UNC13C: variants seen among roughly 807,000 people sequenced by gnomAD.
UNC13C encodes unc-13 homolog C.
A neutral mutation model predicts 245.4 loss-of-function variants in UNC13C; 174 were observed. That is an observed-to-expected ratio of 0.71 (90% CI 0.63 to 0.80). The LOEUF is 0.80. Ranked by LOEUF, UNC13C falls within the 30% of genes least tolerant of loss-of-function variation. The probability of loss-of-function intolerance (pLI) is 0.00; values close to 1 mark genes in which losing one functional copy is unlikely to be tolerated. For missense variants in UNC13C, 2,829 were observed against 2,602.9 expected, an observed-to-expected ratio of 1.09 and a Z score of -1.89; for synonymous variants, 992 against 895.1, an observed-to-expected ratio of 1.11 and a Z score of -1.93.
At chr15:54,322,182 A>G (rs1226172260) in intron 14 of UNC13C, 87 bp downstream of exon 14, 1 of 1,301,946 alleles carries the variant, frequency 7.7e-7, no homozygotes, top group African/African-American at 1.5e-5. Flanking sequence ...TATTCCTGGA[A>G]TCTTATTGCA....
chr15:54,341,730 T>G (rs140311384), intron 17 of UNC13C, among the ~76,000 whole-genome samples: 2 of 152,164 alleles, frequency 1.3e-5, no homozygotes, highest in East Asian at 1.9e-4. Flanking sequence ...AATAGTATTT[T>G]GCTTGGGAGG....
the UNC13C span, among the ~76,000 whole-genome samples, chr15:53,896,555 G>T: frequency 6.6e-6 from 1 of 151,986 alleles, no homozygotes; most frequent in Non-Finnish European, 1.5e-5. Context: ...ATGGTGAAGT[G>T]GATATATGTT....
chr15:54,576,165 C>T (rs1213990621), intron 30 of UNC13C, among the ~76,000 whole-genome samples: 1 of 152,202 alleles, frequency 6.6e-6, no homozygotes, highest in Non-Finnish European at 1.5e-5. Flanking sequence ...CCACACTTCT[C>T]ACATTAAGAC....
chr15:53,839,355 A>G, the UNC13C span, among the ~76,000 whole-genome samples: 2 of 152,090 alleles, frequency 1.3e-5, no homozygotes, highest in Non-Finnish European at 2.9e-5. Flanking sequence ...TAAGATTCCA[A>G]TTCCTTCAAC....
chr15:54,099,936 TATATA>T (rs1900075446), intron 2 of UNC13C, among the ~76,000 whole-genome samples: 1 of 151,628 alleles, frequency 6.6e-6, no homozygotes, highest in Admixed American at 6.6e-5. Flanking sequence ...CTCCACTAAA[TATATA>T]ATACAAAAAT....
At chr15:54,040,370 C>T (rs1896760496) in intron 2 of UNC13C, among the ~76,000 whole-genome samples, 1 of 152,116 alleles carries the variant, frequency 6.6e-6, no homozygotes, top group African/African-American at 2.4e-5. Flanking sequence ...AAGGTGTGGT[C>T]TGTGAACCAG....
intron 2 of UNC13C, among the ~76,000 whole-genome samples, chr15:54,017,216 G>T (rs1895699415): frequency 6.6e-6 from 1 of 151,808 alleles, no homozygotes; most frequent in African/African-American, 2.4e-5. Context: ...AACATTTTGT[G>T]TTTTTGTTTT....
chr15:54,569,015 A>T (rs148143945), intron 30 of UNC13C, among the ~76,000 whole-genome samples: 2 of 152,188 alleles, frequency 1.3e-5, no homozygotes, highest in Non-Finnish European at 2.9e-5. Context: ...GATTGTCAAG[A>T]GATGCAGAAA....
In UNC13C at chr15:54,311,907, C is replaced by T. The variant is rs182732189; in HGVS notation, c.4269-10032C>T. Reference sequence around the variant, plus strand: ...GGAAAATATGTACAAATAATTTAGTCAAACAAGAATAAAAAACATGTTAAA... The same window carrying T: ...GGAAAATATGTACAAATAATTTAGTTAAACAAGAATAAAAAACATGTTAAA... On this transcript the variant is annotated intron_variant, in intron 13 of 32. Coordinates refer to ENST00000260323, the MANE Select transcript of UNC13C (RefSeq NM_001080534.3). Among the ~76,000 whole-genome samples the T allele has an allele frequency of 3.1e-4, 47 of 151,706 alleles. 1 individual carries two copies. Among genetic ancestry groups the T allele is most frequent in the African/African-American group, 1.1e-3 (46 of 41,438 alleles).
the UNC13C span, among the ~76,000 whole-genome samples, chr15:53,927,737 A>T: frequency 1.3e-5 from 2 of 152,100 alleles, no homozygotes; most frequent in African/African-American, 4.8e-5. Flanking sequence ...TTGCCCAGGG[A>T]AGTTTTAGAA....
intron 30 of UNC13C, among the ~76,000 whole-genome samples, chr15:54,595,998 GAA>G (rs915175338): frequency 6.7e-6 from 1 of 148,868 alleles, no homozygotes. Flanking sequence ...AGAATTTGAA[GAA>G]AAAAAAAAGT....
intron 19 of UNC13C, among the ~76,000 whole-genome samples, chr15:54,454,421 A>G (rs1272288048): frequency 5.3e-5 from 8 of 152,054 alleles, no homozygotes; most frequent in Non-Finnish European, 1.0e-4. Flanking sequence ...TACTAAAAAT[A>G]CAAAAAGTTA....
At chr15:54,434,658 C>G (rs1220292034) in intron 19 of UNC13C, among the ~76,000 whole-genome samples, 2 of 152,078 alleles carry the variant, frequency 1.3e-5, no homozygotes, top group Non-Finnish European at 2.9e-5. Flanking sequence ...CAATACCATT[C>G]AAGACATAGG....
intron 1 of UNC13C, among the ~76,000 whole-genome samples, chr15:53,984,823 A>T (rs1894063651): frequency 6.6e-6 from 1 of 152,060 alleles, no homozygotes; most frequent in Admixed American, 6.6e-5. Flanking sequence ...CTAAAATGGG[A>T]ATGACTGTAT....
chr15:54,296,231 C>T (rs868238624), intron 11 of UNC13C, among the ~76,000 whole-genome samples: 3 of 151,942 alleles, frequency 2.0e-5, no homozygotes, highest in African/African-American at 7.3e-5. Context: ...GACGGAGTCT[C>T]GCTCTATCCC....
intron 4 of UNC13C, among the ~76,000 whole-genome samples, chr15:54,220,392 A>G (rs148338623): frequency 0.13 from 18,334 of 143,184 alleles, 1,300 homozygotes; most frequent in African/African-American, 0.19. Context: ...TGGGAATTGA[A>G]CAATGAGAAC....
At chr15:54,206,547 T>C (rs1369755918) in intron 4 of UNC13C, among the ~76,000 whole-genome samples, 1 of 152,122 alleles carries the variant, frequency 6.6e-6, no homozygotes, top group East Asian at 1.9e-4. Flanking sequence ...ACATACTATA[T>C]AAGGATTCTA....
the UNC13C span, among the ~76,000 whole-genome samples, chr15:53,942,910 G>C: frequency 5.3e-5 from 8 of 152,204 alleles, no homozygotes; most frequent in Non-Finnish European, 1.2e-4. Flanking sequence ...TGATCCACCT[G>C]CCTTGGTCTC....
intron 19 of UNC13C, among the ~76,000 whole-genome samples, chr15:54,474,646 C>A (rs1375701308): frequency 6.6e-6 from 1 of 152,016 alleles, no homozygotes; most frequent in Non-Finnish European, 1.5e-5. Flanking sequence ...TATCTCTTCA[C>A]TCTGTTGATT....
Sources: gnomAD v4.1 joint callset for allele counts (sites outside exome capture counted in the v4.1 genomes callset) on GRCh38, gnomAD v4.1.1 for gene constraint, MANE v1.5 for transcripts, NCBI Gene and HGNC (gene_info 2026-07-23, HGNC 2026-07-21) for gene names.